IQCH: variants seen among roughly 807,000 people sequenced by gnomAD.
IQCH encodes the protein IQ domain-containing protein H.
IQCH carries 98 observed loss-of-function variants against 117.0 expected under a neutral mutation model. The ratio of observed to expected loss-of-function variants is 0.84; its 90% CI spans 0.71 to 0.99. IQCH has a LOEUF of 0.99. Ranked by LOEUF, IQCH falls within the 50% of genes least tolerant of loss-of-function variation. The probability of loss-of-function intolerance (pLI) is 0.00; values close to 1 mark genes in which losing one functional copy is unlikely to be tolerated. For missense variants in IQCH, 1,102 were observed against 1,243.8 expected (o/e 0.89, Z 1.72); for synonymous variants, 412 against 448.2 (o/e 0.92, Z 1.02).
At position 67,261,347 on chromosome 15, in the gene IQCH, A is replaced by G. The variant is rs753937651; in HGVS notation, c.127A>G (p.Ile43Val). The change falls in exon 2 of 21, where the codon ATT (isoleucine) becomes GTT (valine). Residue 43 changes from isoleucine (I) to valine (V), a missense_variant. By Grantham distance (29) the Ile-to-Val change is conservative. This residue lies in a region of IQCH where 452 missense variants were observed against 449.6 expected (regional missense o/e 1.01). Coordinates refer to ENST00000335894, the MANE Select transcript of IQCH (RefSeq NM_001031715.3). ...TGAGGAAAAAGGAGAGACTCTAGAC[A>G]TTCAGAGTCTTGAAACAGCAATCAA... ...SPEEKGETLD[I>V]QSLETAIKRT... The G allele has an allele frequency of 1.4e-5, 22 of 1,590,616 alleles. No homozygotes were observed. The South Asian group carries it at 2.4e-4, about 17-fold the overall frequency.
In IQCH at chr15:67,364,476, G is replaced by A. The variant is rs942138332; in HGVS notation, c.753+4591G>A. On this transcript the variant is annotated intron_variant, in intron 8 of 20. Coordinates refer to ENST00000335894, the MANE Select transcript of IQCH (RefSeq NM_001031715.3). This position sits in a 1 kb window ranked among gnomAD's most constrained non-coding sequence, Gnocchi z 4.1. ...TGTAATTACCGAGAAAAACTACAAG[G>A]ACTGTTTTTACTACTTTTCATAGCA... Among the ~76,000 whole-genome samples, 1 of 151,436 alleles carries A rather than the reference G, an allele frequency of 6.6e-6. No homozygotes were observed. The highest frequency in any genetic ancestry group is 2.4e-5 in the African/African-American group (1 of 41,240).
rs1016790721 is a variant in IQCH, at chr15:67,404,554, C to T, written c.2097+4249C>T. On this transcript the variant is annotated intron_variant, in intron 14 of 20. Transcript: ENST00000335894. This position sits in a 1 kb window ranked among gnomAD's most constrained non-coding sequence, Gnocchi z 4.6. ...ATTTAAAAGTACATAATCACTGTCC[C>T]CAAACATAGTTGTTTTCATTTTTGT... 2 of 152,082 alleles carry T rather than the reference C, an allele frequency of 1.3e-5. No homozygotes were observed. The highest frequency in any genetic ancestry group is 4.8e-5 in the African/African-American group (2 of 41,402). The allele number at this position is 152,082 out of a possible 1,614,324, so 9.4% of individuals were successfully genotyped here.
intron 6 of IQCH, among the ~76,000 whole-genome samples, chr15:67,353,081 G>A (rs916571582): frequency 1.3e-5 from 2 of 151,900 alleles, no homozygotes; most frequent in Non-Finnish European, 2.9e-5. Flanking sequence ...AGGAGGCAGA[G>A]GTTTCAGTGA....
rs144785095 is a variant in IQCH, at chr15:67,319,009, C to T, written c.388-17966C>T. Among the ~76,000 whole-genome samples, 45 of 152,246 alleles carry T rather than the reference C, an allele frequency of 3.0e-4. No individual in the cohort carries two copies. In the East Asian group the frequency reaches 6.0e-3, roughly 20 times the overall value. ...TGGGAGGCCGAGGCAGGCAGTATCA[C>T]GAGGTCAGGAGCTCGAGACCATCCT... On this transcript the variant is annotated intron_variant, in intron 4 of 20. Transcript: ENST00000335894.
intron 17 of IQCH, among the ~76,000 whole-genome samples, chr15:67,470,725 A>G (rs1224242321): frequency 6.6e-6 from 1 of 152,252 alleles, no homozygotes; most frequent in Non-Finnish European, 1.5e-5. Context: ...TTTGAAATAC[A>G]TAATATATTC....
chr15:67,290,657 C>T (rs893148866), intron 4 of IQCH, among the ~76,000 whole-genome samples: 4 of 151,544 alleles, frequency 2.6e-5, no homozygotes, highest in African/African-American at 7.2e-5. Context: ...CAAGGCTTTA[C>T]GCTTAACCTA....
chr15:67,396,234 G>A (rs1234186064), intron 13 of IQCH, among the ~76,000 whole-genome samples: 1 of 152,214 alleles, frequency 6.6e-6, no homozygotes. Context: ...ACTCCAGTGA[G>A]TGAGCCTCCC....
chr15:67,346,781 C>A (rs930094899), intron 6 of IQCH, among the ~76,000 whole-genome samples: 1 of 152,022 alleles, frequency 6.6e-6, no homozygotes, highest in Non-Finnish European at 1.5e-5. Flanking sequence ...GAACATTCAC[C>A]AAAATAGACC....
chr15:67,373,357 T>C lies in IQCH; in HGVS notation c.1306-10T>C. 1 of 1,604,530 alleles carries C rather than the reference T, an allele frequency of 6.2e-7. No individual in the cohort carries two copies. The highest frequency in any genetic ancestry group is 1.1e-5 in the South Asian group (1 of 90,852). On this transcript the variant is annotated splice_polypyrimidine_tract_variant and intron_variant, in intron 9 of 20. Transcript: ENST00000335894. ...TCCTGTCACTGATCAATGCTCTTCTTGATTTTTAGCATCTGGCAGCCAACT... is the reference window on the plus strand; with the variant it reads ...TCCTGTCACTGATCAATGCTCTTCTCGATTTTTAGCATCTGGCAGCCAACT...
chr15:67,414,663 A>AT lies in IQCH; in HGVS notation c.2098-2268_2098-2267insT, dbSNP rs1334558004. 7.5e-3 allele frequency among the ~76,000 whole-genome samples: 1,098 copies of AT among 146,318 alleles called. 10 individuals are homozygous for AT. Among genetic ancestry groups the AT allele is most frequent in the African/African-American group, 0.025 (1,000 of 40,480 alleles). On this transcript the variant is annotated intron_variant, in intron 14 of 20. Coordinates refer to ENST00000335894, the MANE Select transcript of IQCH (RefSeq NM_001031715.3). ...CCTCTCTCCCCAACACCAAAAAAAA[A>AT]ATATATATATATATAATATAATATA...
chr15:67,371,335 A>G, intron 8 of IQCH: 2 of 502,822 alleles, frequency 4.0e-6, no homozygotes, highest in Non-Finnish European at 6.3e-6. Context: ...TTAGAAATTT[A>G]CCAATTATAA....
chr15:67,499,744 T>C (rs988450357), intron 20 of IQCH, among the ~76,000 whole-genome samples: 1 of 152,168 alleles, frequency 6.6e-6, no homozygotes, highest in East Asian at 1.9e-4. Context: ...TTATATTCTA[T>C]GGATAATATT....
chr15:67,397,729 ACAAAT>A (rs1235866455), intron 13 of IQCH, among the ~76,000 whole-genome samples: 1 of 152,050 alleles, frequency 6.6e-6, no homozygotes, highest in East Asian at 1.9e-4. Context: ...CCAGGATAAA[ACAAAT>A]CACAGCTAAA....
chr15:67,335,867 C>G (rs1393161582), intron 4 of IQCH, among the ~76,000 whole-genome samples: 2 of 152,124 alleles, frequency 1.3e-5, no homozygotes, highest in African/African-American at 4.8e-5. Flanking sequence ...TTACCACATC[C>G]TGGCAGTGGG....
In IQCH at chr15:67,254,865, C is replaced by T. The variant is rs2140412618; in HGVS notation, c.-32C>T. 2 of 1,609,668 alleles carry T rather than the reference C, an allele frequency of 1.2e-6. No individual in the cohort carries two copies. The highest frequency in any genetic ancestry group is 8.5e-7 in the Non-Finnish European group (1 of 1,177,414). ...AGGTTTCCGTGCTTGGAAACCGCGCCTCCGCGGAGGTAGCCGTTCCCTGAC... is the reference window on the plus strand; with the variant it reads ...AGGTTTCCGTGCTTGGAAACCGCGCTTCCGCGGAGGTAGCCGTTCCCTGAC... On this transcript the variant is annotated 5_prime_UTR_variant, in exon 1 of 21. Transcript: ENST00000335894.
chr15:67,341,979 GAGTGGCTCACACCTGGCAC>G (rs1394507178), intron 5 of IQCH, among the ~76,000 whole-genome samples: 3 of 151,952 alleles, frequency 2.0e-5, no homozygotes, highest in East Asian at 3.9e-4. Flanking sequence ...CAAAGATGCA[GAGTGGCTCACACCTGGCAC>G]AGTGGCTCAC....
At position 67,390,486 on chromosome 15, in the gene IQCH, T is replaced by G. The variant is rs1971249000; in HGVS notation, c.1632+1480T>G. On this transcript the variant is annotated intron_variant, in intron 12 of 20. Coordinates refer to ENST00000335894, the MANE Select transcript of IQCH (RefSeq NM_001031715.3). The surrounding 1 kb of genome is among the most constrained non-coding windows in gnomAD (Gnocchi z 5.0). ...CATTTTTCAAATTCTTAGCATACAG[T>G]TTCTTTTTTTCTTTTTTTTTGAGAC... Among the ~76,000 whole-genome samples, 1 of 151,806 alleles carries G rather than the reference T, an allele frequency of 6.6e-6. No homozygotes were observed. Among genetic ancestry groups the G allele is most frequent in the Non-Finnish European group, 1.5e-5 (1 of 67,894 alleles).
At chr15:67,296,290 C>T (rs758918285) in intron 4 of IQCH, among the ~76,000 whole-genome samples, 2 of 152,118 alleles carry the variant, frequency 1.3e-5, no homozygotes, top group Non-Finnish European at 2.9e-5. Flanking sequence ...CCAGAAGACA[C>T]TGAAGAGGGA....
intron 4 of IQCH, among the ~76,000 whole-genome samples, chr15:67,326,542 A>G (rs1311906988): frequency 2.0e-5 from 3 of 152,162 alleles, no homozygotes; most frequent in Non-Finnish European, 4.4e-5. Flanking sequence ...GAGTCGCCAC[A>G]CTGTCTTCCA....
Sources: allele counts gnomAD v4.1 joint callset (sites outside exome capture counted in the v4.1 genomes callset), GRCh38; gene constraint gnomAD v4.1.1; regional missense constraint gnomAD v4.1.1; non-coding constraint Gnocchi (gnomAD v3.1); transcripts MANE v1.5; gene names NCBI Gene and HGNC (gene_info 2026-07-23, HGNC 2026-07-21).